The following MARK4 variants were observed in gnomAD, a reference collection of about 807,000 sequenced individuals.
MARK4 encodes microtubule affinity regulating kinase 4.
Under a neutral mutation model 81.5 loss-of-function variants are expected in MARK4, and 19 were observed. That is an observed-to-expected ratio of 0.23 (90% confidence interval 0.16 to 0.34). The LOEUF is 0.34. Among genes scored for constraint, MARK4 ranks in the 10% least tolerant of loss-of-function variants. The pLI is 1.00. For missense variants in MARK4, 772 were observed against 1,058.8 expected (o/e 0.73, Z 3.76); for synonymous variants, 436 against 439.0 (o/e 0.99, Z 0.08).
intron 1 of MARK4, among the ~76,000 whole-genome samples, chr19:45,257,782 T>C (rs1970328342): frequency 6.7e-6 from 1 of 148,676 alleles, no homozygotes; most frequent in Admixed American, 6.7e-5. Context: ...CTCCACCTCC[T>C]GGGTTCATGC....
intron 7 of MARK4, among the ~76,000 whole-genome samples, chr19:45,267,355 A>G (rs1391894811): frequency 1.3e-5 from 2 of 152,130 alleles, no homozygotes; most frequent in East Asian, 3.9e-4. Flanking sequence ...CACCGTGTCC[A>G]GTCTGAGAAG....
intron 10 of MARK4, 180 bp from the exon 11 acceptor site, chr19:45,280,194 C>T: frequency 3.4e-6 from 2 of 588,924 alleles, no homozygotes. Context: ...ACTGAAAATA[C>T]AAAAACTGAG....
intron 13 of MARK4, among the ~76,000 whole-genome samples, chr19:45,293,407 A>G (rs1970843983): frequency 6.6e-6 from 1 of 152,274 alleles, no homozygotes; most frequent in Non-Finnish European, 1.5e-5. Context: ...AGATGATATT[A>G]GGAACTACTT....
chr19:45,299,876 CT>C, intron 16 of MARK4, 21 bp downstream of exon 16: 2 of 1,585,112 alleles, frequency 1.3e-6, no homozygotes, highest in South Asian at 1.1e-5. Context: ...GGGCCTACCC[CT>C]GACTGCCACT....
chr19:45,266,299 TG>T lies in MARK4; in HGVS notation c.549+19del. 6.2e-7 allele frequency: 1 copy of T among 1,613,186 alleles called. No individual in the cohort carries two copies. Among genetic ancestry groups the T allele is most frequent in the East Asian group, 2.2e-5 (1 of 44,882 alleles). On this transcript the variant is annotated intron_variant, in intron 7 of 16. Coordinates refer to ENST00000262891, the MANE Select transcript of MARK4 (RefSeq NM_001199867.2). ...ACCTGAAGGTAAGCCCCCGACCCGC[TG>T]TGATCTCAGGGACCACGGCTCAGCC...
intron 12 of MARK4, among the ~76,000 whole-genome samples, chr19:45,285,542 T>G (rs919072885): frequency 6.6e-6 from 1 of 152,274 alleles, no homozygotes; most frequent in Admixed American, 6.5e-5. Flanking sequence ...CCCCCACCAT[T>G]GCTGGAGGTC....
At chr19:45,266,954 G>A (rs1004677870) in intron 7 of MARK4, among the ~76,000 whole-genome samples, 4 of 151,388 alleles carry the variant, frequency 2.6e-5, no homozygotes, top group East Asian at 2.0e-4. Context: ...GGATGGTCTC[G>A]ATCTCCTGAC....
intron 1 of MARK4, among the ~76,000 whole-genome samples, chr19:45,252,854 C>T (rs910454458): frequency 6.6e-6 from 1 of 152,124 alleles, no homozygotes; most frequent in Non-Finnish European, 1.5e-5. Flanking sequence ...CCAGGCCCCC[C>T]AGACCCTTCT....
At chr19:45,300,849 TCACCCTTGACCCAAGCACAGTGGC>T (rs1467353255) in intron 16 of MARK4, among the ~76,000 whole-genome samples, 12 of 152,036 alleles carry the variant, frequency 7.9e-5, no homozygotes, top group Admixed American at 1.3e-4. Context: ...GGTCATGTGG[TCACCCTTGACCCAAGCACAGTGGC>T]CGGGAAGTAG....
intron 1 of MARK4, among the ~76,000 whole-genome samples, chr19:45,258,570 C>T (rs1274184101): frequency 1.3e-5 from 2 of 152,042 alleles, no homozygotes; most frequent in Non-Finnish European, 2.9e-5. Context: ...CATGATGGTG[C>T]ACGCCTGTAA....
At chr19:45,295,412 C>G (rs1970874017) in intron 14 of MARK4, among the ~76,000 whole-genome samples, 1 of 152,020 alleles carries the variant, frequency 6.6e-6, no homozygotes, top group South Asian at 2.1e-4. Context: ...CGAATCTTAC[C>G]TCTGTGCTCA....
At chr19:45,288,708 G>A (rs1030709387) in intron 13 of MARK4, among the ~76,000 whole-genome samples, 1 of 151,720 alleles carries the variant, frequency 6.6e-6, no homozygotes, top group African/African-American at 2.4e-5. Context: ...AAATTAGCTG[G>A]GCATGGTGGC....
At chr19:45,277,371 C>T (rs1282154488) in intron 8 of MARK4, among the ~76,000 whole-genome samples, 1 of 152,074 alleles carries the variant, frequency 6.6e-6, no homozygotes, top group Non-Finnish European at 1.5e-5. Flanking sequence ...AGCCACCGTG[C>T]CTGGCCAGAT....
intron 1 of MARK4, among the ~76,000 whole-genome samples, chr19:45,254,623 A>G (rs1970284670): frequency 6.6e-6 from 1 of 152,206 alleles, no homozygotes; most frequent in Non-Finnish European, 1.5e-5. Context: ...TGAAGACTGC[A>G]GATCATAATT....
At chr19:45,251,750 C>A in intron 1 of MARK4, 111 bp downstream of exon 1, 2 of 1,019,554 alleles carry the variant, frequency 2.0e-6, no homozygotes, top group South Asian at 1.6e-5. Context: ...CTGGGCCCGA[C>A]CCGGCTCGTC....
Position 45,259,005 on chromosome 19 carries a change from G to T in MARK4, c.68G>T (p.Ser23Ile), listed in dbSNP as rs766196910. ...CCCGCCCAGCATGGCACCTTGGGCA[G>T]TGGCCGCTCCTCGGACAAAGGCCCG... ...RNSDTHGTLG[S>I]GRSSDKGPSW... is the part of the protein sequence containing the mutation. Residue 23 changes from serine (S) to isoleucine (I), a missense_variant, in exon 2 of 17, where the codon AGT becomes ATT. Coordinates refer to ENST00000262891, the MANE Select transcript of MARK4 (RefSeq NM_001199867.2). 3.7e-6 allele frequency: 6 copies of T among 1,612,748 alleles called. No homozygotes were observed. Among genetic ancestry groups the T allele is most frequent in the Non-Finnish European group, 5.1e-6 (6 of 1,179,880 alleles).
rs200597137 is a variant in MARK4 at position 45,271,690 on chromosome 19, C to T, written c.768C>T (p.Phe256=). The T allele has an allele frequency of 1.7e-5, 27 of 1,613,914 alleles. No individual in the cohort carries two copies. Among genetic ancestry groups the T allele is most frequent in the Middle Eastern group, 1.6e-4 (1 of 6,078 alleles). The change falls in exon 8 of 17, where the codon TTC becomes TTT. Residue 256 remains phenylalanine, a synonymous_variant. Coordinates refer to ENST00000262891, the MANE Select transcript of MARK4 (RefSeq NM_001199867.2). This position sits in a 1 kb window ranked among gnomAD's most constrained non-coding sequence, Gnocchi z 4.1. ...CCCTCGTCAGCGGCTCCCTGCCCTT[C>T]GACGGGCACAACCTCAAGGTACCGA... ...LYTLVSGSLP[F]DGHNLKELRE...
chr19:45,288,730 G>A (rs1265349689), intron 13 of MARK4, among the ~76,000 whole-genome samples: 1 of 149,788 alleles, frequency 6.7e-6, no homozygotes, highest in Non-Finnish European at 1.5e-5. Flanking sequence ...TGCACCTGTA[G>A]TCCCAGCTAC....
rs1189082569 is a variant in MARK4, at chr19:45,303,986, A to G, written c.*1276A>G. 5 of 152,274 alleles carry G rather than the reference A, an allele frequency of 3.3e-5. No individual in the cohort carries two copies. Among genetic ancestry groups the G allele is most frequent in the African/African-American group, 1.2e-4 (5 of 41,472 alleles). 9.4% of individuals were successfully genotyped at this position (152,274 alleles called of 1,614,324 possible). On this transcript the variant is annotated 3_prime_UTR_variant, in exon 17 of 17. Transcript: ENST00000262891. ...AGTGTGGCTGCTGTGTTGGGCATGG[A>G]TGGAGAATCAGCAAGAGAAATGCTG... is the stretch of plus-strand genomic sequence containing the variant.
Sources: allele counts gnomAD v4.1 joint callset (sites outside exome capture counted in the v4.1 genomes callset), GRCh38; gene constraint gnomAD v4.1.1; non-coding constraint Gnocchi (gnomAD v3.1); transcripts MANE v1.5; gene names NCBI Gene and HGNC (gene_info 2026-07-23, HGNC 2026-07-21).